Variants in TAF1B observed in about 807,000 individuals in gnomAD.
TAF1B encodes the protein TATA-box binding protein associated factor, RNA polymerase I subunit B.
Under a neutral mutation model 83.9 loss-of-function variants are expected in TAF1B, and 61 were observed. That is an observed-to-expected ratio of 0.73 (90% CI 0.59 to 0.90). The LOEUF (loss-of-function observed/expected upper bound fraction) is 0.90. Among genes scored for constraint, TAF1B ranks in the 40% least tolerant of loss-of-function variants. The probability of loss-of-function intolerance (pLI) is 0.00; values close to 1 mark genes in which losing one functional copy is unlikely to be tolerated. For synonymous variants in TAF1B, 221 were observed against 224.6 expected, an observed-to-expected ratio of 0.98 and a Z score of 0.14; for missense variants, 625 against 677.0, an observed-to-expected ratio of 0.92 and a Z score of 0.85.
At chr2:9,920,519 A>G (rs1407832618) in intron 14 of TAF1B, among the ~76,000 whole-genome samples, 1 of 139,020 alleles carries the variant, frequency 7.2e-6, no homozygotes, top group African/African-American at 2.7e-5. Context: ...CCTGGCCAAA[A>G]CAAGTGCCGT....
At chr2:9,873,580 A>G (rs1350315231) in intron 6 of TAF1B, among the ~76,000 whole-genome samples, 4 of 151,398 alleles carry the variant, frequency 2.6e-5, no homozygotes, top group African/African-American at 4.9e-5. Flanking sequence ...TTCACACTTA[A>G]CACACATAAT....
At chr2:9,908,626 A>C (rs1410148061) in intron 9 of TAF1B, among the ~76,000 whole-genome samples, 1 of 152,174 alleles carries the variant, frequency 6.6e-6, no homozygotes, top group Non-Finnish European at 1.5e-5. Context: ...CACTCAGTAA[A>C]TGCTTGTTGA....
At chr2:9,849,641 T>G (rs1663322703) in intron 3 of TAF1B, among the ~76,000 whole-genome samples, 181 bp downstream of exon 3, 1 of 152,198 alleles carries the variant, frequency 6.6e-6, no homozygotes, top group Non-Finnish European at 1.5e-5. Flanking sequence ...TCTGGTGCTT[T>G]TATAGAAAAA....
intron 9 of TAF1B, among the ~76,000 whole-genome samples, chr2:9,907,127 A>T (rs1398952643): frequency 6.6e-6 from 1 of 150,826 alleles, no homozygotes; most frequent in Non-Finnish European, 1.5e-5. Context: ...GGCTCAAGCC[A>T]TCTTCCTGCC....
intron 5 of TAF1B, among the ~76,000 whole-genome samples, chr2:9,861,121 A>C (rs905072879): frequency 7.2e-5 from 11 of 152,236 alleles, no homozygotes; most frequent in African/African-American, 2.4e-4. Context: ...GGTGCAGCAC[A>C]CCGTGCATGA....
At chr2:9,874,819 C>G (rs541976870) in intron 6 of TAF1B, among the ~76,000 whole-genome samples, 1 of 152,150 alleles carries the variant, frequency 6.6e-6, no homozygotes, top group Non-Finnish European at 1.5e-5. Flanking sequence ...TTTGGAGAGG[C>G]CTTGTAGAGA....
At chr2:9,900,985 G>T (rs1405181933) in intron 8 of TAF1B, among the ~76,000 whole-genome samples, 1 of 152,140 alleles carries the variant, frequency 6.6e-6, no homozygotes. Context: ...GTTTCTCTAA[G>T]TTGTCAGAGA....
At chr2:9,867,715 A>G (rs148363978) in intron 5 of TAF1B, among the ~76,000 whole-genome samples, 1,986 of 152,282 alleles carry the variant, frequency 0.013, 17 homozygotes, top group Non-Finnish European at 0.022. Flanking sequence ...TACATGTGTG[A>G]ACAGTTAAAC....
At chr2:9,873,072 A>T (rs1184819248) in intron 6 of TAF1B, among the ~76,000 whole-genome samples, 1 of 152,194 alleles carries the variant, frequency 6.6e-6, no homozygotes, top group African/African-American at 2.4e-5. Flanking sequence ...CCTTGACCCG[A>T]AACCTTTGCA....
chr2:9,919,225 T>C lies in TAF1B; in HGVS notation c.1342+114T>C, dbSNP rs185655298. 1.6e-5 allele frequency: 13 copies of C among 830,742 alleles called. No individual in the cohort carries two copies. The African/African-American group carries it at 1.7e-4, about 11-fold the overall frequency. 51.5% of individuals were successfully genotyped at this position (830,742 alleles called of 1,614,324 possible). On this transcript the variant is annotated intron_variant, in intron 13 of 14. Coordinates refer to ENST00000263663, the MANE Select transcript of TAF1B (RefSeq NM_005680.3). ...TTTTTTACTTTTTTTAAACAAATGTTCCAGGGCACATGTACATCCAAAGGA... is the reference window on the plus strand; with the variant it reads ...TTTTTTACTTTTTTTAAACAAATGTCCCAGGGCACATGTACATCCAAAGGA...
At chr2:9,895,903 G>A (rs991813544) in intron 8 of TAF1B, among the ~76,000 whole-genome samples, 4 of 147,748 alleles carry the variant, frequency 2.7e-5, no homozygotes, top group African/African-American at 7.5e-5. Flanking sequence ...GGAGCCTGCT[G>A]TTGTGTAACA....
At chr2:9,925,960 A>G (rs963192403) in intron 14 of TAF1B, among the ~76,000 whole-genome samples, 4 of 152,280 alleles carry the variant, frequency 2.6e-5, no homozygotes, top group South Asian at 2.1e-4. Context: ...CTCAATGTCT[A>G]TAGCTTCTAT....
At chr2:9,919,517 A>G in intron 13 of TAF1B, 81 bp from the exon 14 acceptor site, 2 of 1,250,520 alleles carry the variant, frequency 1.6e-6, no homozygotes, top group South Asian at 1.3e-5. Context: ...ATATTGGTAC[A>G]TTCCTATCAA....
chr2:9,925,589 G>GTTT (rs70948854), intron 14 of TAF1B, among the ~76,000 whole-genome samples: 93 of 147,394 alleles, frequency 6.3e-4, no homozygotes, highest in South Asian at 1.3e-3. Flanking sequence ...TGGGGTGTTT[G>GTTT]TTTTTTTTTT....
intron 2 of TAF1B, among the ~76,000 whole-genome samples, chr2:9,848,946 A>G (rs1663295299): frequency 6.6e-6 from 1 of 152,374 alleles, no homozygotes; most frequent in South Asian, 2.1e-4. Flanking sequence ...AGTATTATTC[A>G]AAGACATGGA....
rs536488527 is a variant in TAF1B, at chr2:9,913,292, G to T, written c.1271+43G>T. 10 of 1,478,616 alleles carry T rather than the reference G, an allele frequency of 6.8e-6. No homozygotes were observed. The South Asian group carries it at 1.0e-4, about 15-fold the overall frequency. The allele number at this position is 1,478,616 out of a possible 1,614,324, so 91.6% of individuals were successfully genotyped here. On this transcript the variant is annotated intron_variant, in intron 12 of 14. Transcript: ENST00000263663. ...GTTTAGATGCACCTGCCTTACTTCT[G>T]TGTCTGTTACTTTACATTTGAAAGC...
intron 11 of TAF1B, 75 bp downstream of exon 11, chr2:9,911,632 A>G (rs1306851224): frequency 1.9e-6 from 2 of 1,073,344 alleles, no homozygotes; most frequent in African/African-American, 1.6e-5. Flanking sequence ...AATGTAGGCA[A>G]ACAACTTTGA....
At chr2:9,924,870 G>A (rs1250142870) in intron 14 of TAF1B, among the ~76,000 whole-genome samples, 2 of 152,210 alleles carry the variant, frequency 1.3e-5, no homozygotes, top group Non-Finnish European at 2.9e-5. Context: ...TCAGGTATGG[G>A]AGGCTGTTTA....
At chr2:9,859,065 A>G (rs1663662209) in intron 5 of TAF1B, among the ~76,000 whole-genome samples, 1 of 152,218 alleles carries the variant, frequency 6.6e-6, no homozygotes, top group Non-Finnish European at 1.5e-5. Context: ...TGCTGGAAAT[A>G]TTCCAAACTT....
Sources: allele counts gnomAD v4.1 joint callset (sites outside exome capture counted in the v4.1 genomes callset), GRCh38; gene constraint gnomAD v4.1.1; transcripts MANE v1.5; gene names NCBI Gene and HGNC (gene_info 2026-07-23, HGNC 2026-07-21).